The following PCLO variants were observed in gnomAD, a reference collection of about 807,000 sequenced individuals.
The protein encoded by PCLO is piccolo presynaptic cytomatrix protein, also known as protein piccolo.
In PCLO, 82 loss-of-function variants were observed where a neutral mutation model predicts 427.5. The observed-to-expected ratio is 0.19, with a 90% confidence interval of 0.16 to 0.23. PCLO has a LOEUF of 0.23. PCLO is among the 10% of genes least tolerant of loss of function. The pLI is 1.00. For missense variants in PCLO, 6,239 were observed against 6,115.9 expected, an observed-to-expected ratio of 1.02 and a Z score of -0.67; for synonymous variants, 2,357 against 2,155.4, an observed-to-expected ratio of 1.09 and a Z score of -2.59.
Position 83,155,326 on chromosome 7 carries a change from T to A in PCLO, c.1315A>T (p.Thr439Ser). The A allele has an allele frequency of 6.2e-7, 1 of 1,610,008 alleles. No homozygotes were observed. The highest frequency in any genetic ancestry group is 8.5e-7 in the Non-Finnish European group (1 of 1,178,806). ...CCTGGCCCAGGCTGCTGAACTGGAGTCTTTGTAGGCCCAGGTGCCTTAGCT... is the reference window on the plus strand; with the variant it reads ...CCTGGCCCAGGCTGCTGAACTGGAGACTTTGTAGGCCCAGGTGCCTTAGCT... ...SPAKAPGPTK[T>S]PVQQPGPGKI... The change falls in exon 2 of 25, where the codon ACT (threonine) becomes TCT (serine). Residue 439 changes from threonine (T) to serine (S), a missense_variant. Around this residue, in one of 5 missense-constraint regions of PCLO, gnomAD observed 4,677 missense variants for 4,468.4 expected, o/e 1.05. Transcript: ENST00000333891.
At chr7:82,991,305 G>A (rs41569) in intron 3 of PCLO, among the ~76,000 whole-genome samples, 112,720 of 151,886 alleles carry the variant, frequency 0.74, 42,219 homozygotes, top group East Asian at 0.92. Flanking sequence ...TACAACATTA[G>A]TATCTTGTTG....
chr7:83,082,119 AC>A (rs1290469662), intron 3 of PCLO, among the ~76,000 whole-genome samples: 1 of 149,488 alleles, frequency 6.7e-6, no homozygotes, highest in Admixed American at 6.7e-5. Context: ...TATACTATAC[AC>A]ACACACACAC....
intron 6 of PCLO, among the ~76,000 whole-genome samples, chr7:82,928,463 C>G (rs1044433449): frequency 3.9e-5 from 6 of 152,122 alleles, no homozygotes; most frequent in African/African-American, 1.4e-4. Context: ...GTGGCATGAC[C>G]TCCACCTCAC....
At chr7:82,828,020 T>G (rs1365216075) in intron 16 of PCLO, 54 bp from the exon 17 acceptor site, 1 of 985,016 alleles carries the variant, frequency 1.0e-6, no homozygotes, top group East Asian at 2.5e-5. Flanking sequence ...AGTTTATGAC[T>G]TCACAGTTAA....
chr7:83,079,510 T>C (rs969371701), intron 3 of PCLO, among the ~76,000 whole-genome samples: 4 of 143,988 alleles, frequency 2.8e-5, no homozygotes, highest in African/African-American at 1.1e-4. Context: ...CGATTTCCAG[T>C]TTTTAAATTT....
intron 3 of PCLO, among the ~76,000 whole-genome samples, chr7:83,034,513 T>C (rs1176877619): frequency 1.3e-5 from 2 of 152,154 alleles, no homozygotes; most frequent in Admixed American, 6.5e-5. Flanking sequence ...TAAAATACTT[T>C]TGCGGAAAAA....
intron 22 of PCLO, among the ~76,000 whole-genome samples, chr7:82,794,450 A>ATTTT (rs141105612): frequency 6.4e-5 from 4 of 62,030 alleles, no homozygotes; most frequent in Non-Finnish European, 1.5e-4. Flanking sequence ...TAGTTCATAA[A>ATTTT]TTTTTTTTCT....
At chr7:83,028,441 C>G (rs1455915956) in intron 3 of PCLO, among the ~76,000 whole-genome samples, 119 of 140,838 alleles carry the variant, frequency 8.4e-4, no homozygotes, top group African/African-American at 2.9e-3. Flanking sequence ...CAAACCACTG[C>G]TCAAGGAAAT....
At chr7:82,845,626 G>A in intron 12 of PCLO, 141 bp from the exon 13 acceptor site, 1 of 625,390 alleles carries the variant, frequency 1.6e-6, no homozygotes, top group Non-Finnish European at 2.8e-6. Flanking sequence ...TAACTCTATT[G>A]TACTTTTATG....
intron 3 of PCLO, among the ~76,000 whole-genome samples, chr7:83,038,824 C>T (rs1045030864): frequency 3.3e-5 from 5 of 151,980 alleles, no homozygotes; most frequent in African/African-American, 1.2e-4. Context: ...GAAGTGGCTG[C>T]ACCAATTTAT....
At chr7:82,885,869 T>C (rs1793616001) in intron 9 of PCLO, among the ~76,000 whole-genome samples, 1 of 151,700 alleles carries the variant, frequency 6.6e-6, no homozygotes, top group Non-Finnish European at 1.5e-5. Flanking sequence ...ACGCAGCTAA[T>C]ATAAGGGAAA....
chr7:82,909,147 G>C (rs1411274366), intron 7 of PCLO, 134 bp from the exon 8 acceptor site: 24 of 736,010 alleles, frequency 3.3e-5, no homozygotes, highest in Non-Finnish European at 4.5e-5. Context: ...TCTCCCCTTG[G>C]GACTAGAAAA....
At chr7:82,928,188 G>A (rs1311473012) in intron 6 of PCLO, among the ~76,000 whole-genome samples, 1 of 152,118 alleles carries the variant, frequency 6.6e-6, no homozygotes, top group East Asian at 1.9e-4. Flanking sequence ...TTTAACTGAT[G>A]TCCCATAATA....
intron 22 of PCLO, among the ~76,000 whole-genome samples, chr7:82,779,685 T>A (rs2129468057): frequency 6.6e-6 from 1 of 151,996 alleles, no homozygotes; most frequent in African/African-American, 2.4e-5. Flanking sequence ...ACCTCAATAT[T>A]GGTTTAGGAA....
intron 3 of PCLO, among the ~76,000 whole-genome samples, chr7:83,038,365 C>T (rs953064470): frequency 4.0e-5 from 6 of 151,152 alleles, no homozygotes; most frequent in African/African-American, 1.2e-4. Flanking sequence ...TAGTTATCAC[C>T]CTCAGCCATT....
chr7:82,806,083 C>A (rs1486357516), intron 20 of PCLO, among the ~76,000 whole-genome samples: 1 of 151,888 alleles, frequency 6.6e-6, no homozygotes, highest in Non-Finnish European at 1.5e-5. Context: ...ATTTTTAGAC[C>A]AAGTTAAATA....
intron 11 of PCLO, 79 bp downstream of exon 11, chr7:82,847,060 G>A: frequency 1.4e-6 from 1 of 707,580 alleles, no homozygotes; most frequent in South Asian, 1.7e-5. Flanking sequence ...AACTGGCAAA[G>A]GTTCCACCTT....
chr7:82,851,732 A>T (rs1041780263), intron 10 of PCLO, among the ~76,000 whole-genome samples: 1 of 152,166 alleles, frequency 6.6e-6, no homozygotes, highest in African/African-American at 2.4e-5. Context: ...AAATTTGAAC[A>T]ATCACTCTCA....
chr7:82,827,806 G>T (rs1791984029), intron 17 of PCLO, 67 bp downstream of exon 17: 4 of 874,744 alleles, frequency 4.6e-6, no homozygotes, highest in African/African-American at 1.7e-5. Flanking sequence ...CCCAATTTTT[G>T]AATAATTGTG....
Sources: allele counts gnomAD v4.1 joint callset (sites outside exome capture counted in the v4.1 genomes callset), GRCh38; gene constraint gnomAD v4.1.1; regional missense constraint gnomAD v4.1.1; transcripts MANE v1.5; gene names NCBI Gene and HGNC (gene_info 2026-07-23, HGNC 2026-07-21).